ATG4B: variants seen among roughly 807,000 people sequenced by gnomAD.
The protein encoded by ATG4B is autophagy related 4B cysteine peptidase.
A neutral mutation model predicts 56.6 loss-of-function variants in ATG4B; 29 were observed. The ratio of observed to expected loss-of-function variants is 0.51; its 90% CI spans 0.38 to 0.70. The LOEUF is 0.70. ATG4B is among the 30% of genes least tolerant of loss of function. The pLI is 0.00. For synonymous variants in ATG4B, 224 were observed against 206.1 expected (o/e 1.09, Z -0.74); for missense variants, 461 against 515.5 (o/e 0.89, Z 1.02).
chr2:241,638,693 T>A (rs1199435707), intron 1 of ATG4B, among the ~76,000 whole-genome samples: 2 of 152,220 alleles, frequency 1.3e-5, no homozygotes, highest in African/African-American at 4.8e-5. Flanking sequence ...CTGTAATGTG[T>A]ATTGCCAATA....
At chr2:241,643,693 TTCC>T (rs1226523040) in intron 1 of ATG4B, among the ~76,000 whole-genome samples, 4 of 108,096 alleles carry the variant, frequency 3.7e-5, no homozygotes, top group Admixed American at 9.1e-5. Flanking sequence ...TGTATATATT[TTCC>T]CCCCCCCCCG....
chr2:241,671,428 G>T, intron 12 of ATG4B, 23 bp downstream of exon 12: 1 of 1,611,936 alleles, frequency 6.2e-7, no homozygotes, highest in East Asian at 2.2e-5. Flanking sequence ...AAGTCCAGGT[G>T]GGGTCCCTCG....
chr2:241,670,443 T>C (rs1017086206), intron 10 of ATG4B: 4 of 504,160 alleles, frequency 7.9e-6, no homozygotes, highest in Non-Finnish European at 1.4e-5. Context: ...CCCGGAACAC[T>C]CGGTGAGGTT....
At chr2:241,658,796 C>G (rs1459353486) in intron 6 of ATG4B, among the ~76,000 whole-genome samples, 1 of 152,248 alleles carries the variant, frequency 6.6e-6, no homozygotes, top group African/African-American at 2.4e-5. Flanking sequence ...GAGCTGCGTT[C>G]ATGTTCTAGT....
At chr2:241,653,865 G>C (rs998286024) in intron 4 of ATG4B, among the ~76,000 whole-genome samples, 1 of 152,058 alleles carries the variant, frequency 6.6e-6, no homozygotes, top group Non-Finnish European at 1.5e-5. Flanking sequence ...GGTGGCTCCT[G>C]CCTGTAGTCC....
At position 241,651,318 on chromosome 2, in the gene ATG4B, A is replaced by G. The variant is rs2068222803; in HGVS notation, c.167A>G (p.Lys56Arg). 1 of 1,599,842 alleles carries G rather than the reference A, an allele frequency of 6.3e-7. No individual in the cohort carries two copies. The highest frequency in any genetic ancestry group is 8.5e-7 in the Non-Finnish European group (1 of 1,172,614). Reference protein sequence around the residue: ...VASRLWFTYRKNFPAIGGTGP... With the variant: ...VASRLWFTYRRNFPAIGGTGP... ...TCTAGACTTTGGTTTACATACAGGAAAAACTTTCCAGCCATTGGTAAGTAC... is the reference window on the plus strand; with the variant it reads ...TCTAGACTTTGGTTTACATACAGGAGAAACTTTCCAGCCATTGGTAAGTAC... Residue 56 changes from lysine (K) to arginine (R), a missense_variant, in exon 3 of 13, where the codon AAA (lysine) becomes AGA (arginine). Physicochemically the swap from Lys to Arg is conservative, Grantham distance 26. Transcript: ENST00000404914. The surrounding 1 kb of genome is among the most constrained non-coding windows in gnomAD (Gnocchi z 4.1).
chr2:241,643,694 T>TCCCCCCCCCC (rs200143016), intron 1 of ATG4B, among the ~76,000 whole-genome samples: 2 of 121,902 alleles, frequency 1.6e-5, no homozygotes, highest in African/African-American at 7.0e-5. Context: ...GTATATATTT[T>TCCCCCCCCCC]CCCCCCCCCC....
intron 1 of ATG4B, 45 bp downstream of exon 1, chr2:241,637,769 C>T (rs1224455596): frequency 2.6e-6 from 4 of 1,553,142 alleles, no homozygotes; most frequent in East Asian, 2.6e-5. Flanking sequence ...AGGTGCTCGC[C>T]TTATCATTGG....
In ATG4B at chr2:241,651,137, T is replaced by C; in HGVS notation, c.112+26T>C. 6.3e-7 allele frequency: 1 copy of C among 1,597,480 alleles called. No individual in the cohort carries two copies. The highest frequency in any genetic ancestry group is 8.6e-7 in the Non-Finnish European group (1 of 1,169,094). ...GTATCGGCCATGCTGGAGCCCACCC[T>C]GGTCTGACCGCTTGGCCTGCAGAAG... On this transcript the variant is annotated intron_variant, in intron 2 of 12. Transcript: ENST00000404914. The surrounding 1 kb of genome is among the most constrained non-coding windows in gnomAD (Gnocchi z 4.1).
intron 7 of ATG4B, among the ~76,000 whole-genome samples, chr2:241,663,502 C>G (rs2068654655): frequency 2.0e-5 from 3 of 152,172 alleles, no homozygotes; most frequent in Non-Finnish European, 4.4e-5. Context: ...AACTATGTAT[C>G]TGAACCTGAT....
intron 5 of ATG4B, 67 bp downstream of exon 5, chr2:241,654,714 C>T (rs2068341632): frequency 7.7e-7 from 1 of 1,293,908 alleles, no homozygotes; most frequent in Non-Finnish European, 1.1e-6. Flanking sequence ...GGTCGGTTTC[C>T]CCTCAGAGCT....
At chr2:241,637,920 G>T (rs1379766684) in intron 1 of ATG4B, among the ~76,000 whole-genome samples, 196 bp downstream of exon 1, 1 of 151,474 alleles carries the variant, frequency 6.6e-6, no homozygotes, top group Non-Finnish European at 1.5e-5. Flanking sequence ...GGGGGACGGC[G>T]GCGCACTGCG....
Position 241,651,830 on chromosome 2 carries a change from G to A in ATG4B, c.184+495G>A. 1 of 1,177,722 alleles carries A rather than the reference G, an allele frequency of 8.5e-7. No individual in the cohort carries two copies. Among genetic ancestry groups the A allele is most frequent in the Non-Finnish European group, 1.1e-6 (1 of 874,002 alleles). The allele number at this position is 1,177,722 out of a possible 1,614,324, so 73.0% of individuals were successfully genotyped here. A position where few individuals can be genotyped will look rare whatever the true frequency, so the allele number is the denominator to read the frequency against. On this transcript the variant is annotated intron_variant, in intron 3 of 12. Coordinates refer to ENST00000404914, the MANE Select transcript of ATG4B (RefSeq NM_013325.5). This position sits in a 1 kb window ranked among gnomAD's most constrained non-coding sequence, Gnocchi z 4.1. Reference sequence around the variant, plus strand: ...CTTAACCTGTGGGGAGATTTGAAGGGCCAGGTGAATGTGACATGTTTTTAT... The same window carrying A: ...CTTAACCTGTGGGGAGATTTGAAGGACCAGGTGAATGTGACATGTTTTTAT...
At chr2:241,640,291 CTG>C (rs1436105798) in intron 1 of ATG4B, among the ~76,000 whole-genome samples, 1 of 152,228 alleles carries the variant, frequency 6.6e-6, no homozygotes, top group Non-Finnish European at 1.5e-5. Flanking sequence ...TTAAAGGTCT[CTG>C]TTTATGCTGA....
At chr2:241,643,676 G>GTGTGTGTA (rs1559248075) in intron 1 of ATG4B, among the ~76,000 whole-genome samples, 1 of 134,534 alleles carries the variant, frequency 7.4e-6, no homozygotes, top group Non-Finnish European at 1.5e-5. Context: ...GTGTGTGTGT[G>GTGTGTGTA]TGTGTATGTA....
chr2:241,668,335 G>T lies in ATG4B; in HGVS notation c.811+114G>T, dbSNP rs2068844452. ...GAGGCCACTGGTGGAAAAGCAGCAT[G>T]CCCTGGGGTTCATTTTCAGCCTGGT... On this transcript the variant is annotated intron_variant, in intron 9 of 12. Coordinates refer to ENST00000404914, the MANE Select transcript of ATG4B (RefSeq NM_013325.5). This position sits in a 1 kb window ranked among gnomAD's most constrained non-coding sequence, Gnocchi z 4.2. 1.4e-6 allele frequency: 2 copies of T among 1,398,874 alleles called. No homozygotes were observed. Among genetic ancestry groups the T allele is most frequent in the Admixed American group, 2.0e-5 (1 of 49,486 alleles). The allele number at this position is 1,398,874 out of a possible 1,614,324, so 86.7% of individuals were successfully genotyped here. A position where few individuals can be genotyped will look rare whatever the true frequency, so the allele number is the denominator to read the frequency against.
At chr2:241,639,397 G>A (rs367740033) in intron 1 of ATG4B, among the ~76,000 whole-genome samples, 1 of 152,214 alleles carries the variant, frequency 6.6e-6, no homozygotes, top group East Asian at 1.9e-4. Context: ...TAGCTCTGGG[G>A]CTGGCTCCGT....
In ATG4B at chr2:241,668,639, C is replaced by T. The variant is rs757778578; in HGVS notation, c.911C>T (p.Pro304Leu). Residue 304 changes from proline (P) to leucine (L), a missense_variant, in exon 10 of 13, where the codon CCG becomes CTG. By Grantham distance (98) the Pro-to-Leu change is moderately conservative (BLOSUM62 -3). Coordinates refer to ENST00000404914, the MANE Select transcript of ATG4B (RefSeq NM_013325.5). This position sits in a 1 kb window ranked among gnomAD's most constrained non-coding sequence, Gnocchi z 4.2. ...IPDESFHCQH[P>L]PCRMSIAELD... is the part of the protein sequence containing the mutation. ...GACGAGAGCTTCCACTGCCAGCACCCGCCGTGCCGCATGAGCATCGCGGAG... is the reference window on the plus strand; with the variant it reads ...GACGAGAGCTTCCACTGCCAGCACCTGCCGTGCCGCATGAGCATCGCGGAG... 32 of 1,583,816 alleles carry T rather than the reference C, an allele frequency of 2.0e-5. No individual in the cohort carries two copies. Among genetic ancestry groups the T allele is most frequent in the African/African-American group, 2.7e-5 (2 of 74,056 alleles).
chr2:241,661,858 C>T (rs374186449), intron 7 of ATG4B, among the ~76,000 whole-genome samples: 10 of 152,194 alleles, frequency 6.6e-5, no homozygotes, highest in African/African-American at 2.2e-4. Flanking sequence ...ACCTTTCTAA[C>T]GACAGTAGAC....
Sources: allele counts gnomAD v4.1 joint callset (sites outside exome capture counted in the v4.1 genomes callset), GRCh38; gene constraint gnomAD v4.1.1; non-coding constraint Gnocchi (gnomAD v3.1); transcripts MANE v1.5; gene names NCBI Gene and HGNC (gene_info 2026-07-23, HGNC 2026-07-21).